PKHD1L1: variants seen among roughly 807,000 people sequenced by gnomAD.
The protein encoded by PKHD1L1 is fibrocystin-L.
In PKHD1L1, 434 loss-of-function variants were observed where a neutral mutation model predicts 462.9. The observed-to-expected ratio is 0.94, with a 90% CI of 0.87 to 1.02. The LOEUF (loss-of-function observed/expected upper bound fraction) is 1.02. Ranked by LOEUF, PKHD1L1 falls within the 50% of genes least tolerant of loss-of-function variation. PKHD1L1 has a pLI of 0.00. For missense variants in PKHD1L1, 5,202 were observed against 5,096.1 expected, an observed-to-expected ratio of 1.02 and a Z score of -0.63; for synonymous variants, 1,781 against 1,750.0, an observed-to-expected ratio of 1.02 and a Z score of -0.44.
intron 11 of PKHD1L1, among the ~76,000 whole-genome samples, chr8:109,397,951 C>G (rs1219078548): frequency 6.6e-6 from 1 of 152,106 alleles, no homozygotes; most frequent in Admixed American, 6.6e-5. Flanking sequence ...TATCTTTTAG[C>G]CTTTTTTCCT....
Position 109,504,371 on chromosome 8 carries a change from A to AC in PKHD1L1, c.10873_10874insC (p.Asn3625ThrfsTer7). ...TAAGAATGTTTGTTCAGGGGAAACT[A>AC]ATGTTATATTCATTACTAACCCTTT... On this transcript the variant is annotated frameshift_variant, in exon 68 of 78. Transcript: ENST00000378402. LOFTEE classifies it high-confidence loss of function. The AC allele has an allele frequency of 6.6e-7, 1 of 1,507,614 alleles. No homozygotes were observed. The highest frequency in any genetic ancestry group is 9.0e-7 in the Non-Finnish European group (1 of 1,111,854). The allele number at this position is 1,507,614 out of a possible 1,614,324, so 93.4% of individuals were successfully genotyped here. A position where few individuals can be genotyped will look rare whatever the true frequency, so the allele number is the denominator to read the frequency against.
At chr8:109,453,187 G>A (rs1440252103) in intron 43 of PKHD1L1, among the ~76,000 whole-genome samples, 1 of 152,158 alleles carries the variant, frequency 6.6e-6, no homozygotes, top group Non-Finnish European at 1.5e-5. Context: ...GTGGGGAGGT[G>A]TGAGCATGCC....
intron 67 of PKHD1L1, 61 bp from the exon 68 acceptor site, chr8:109,504,266 A>G (rs1360784332): frequency 9.0e-7 from 1 of 1,110,804 alleles, no homozygotes; most frequent in African/African-American, 1.6e-5. Context: ...AATGTGCATT[A>G]AATCTGATTT....
At chr8:109,402,150 A>G (rs532813429) in intron 14 of PKHD1L1, among the ~76,000 whole-genome samples, 1 of 152,194 alleles carries the variant, frequency 6.6e-6, no homozygotes, top group Non-Finnish European at 1.5e-5. Context: ...TCAAAAAGCC[A>G]TTCAGAATTC....
chr8:109,533,744 G>T lies in PKHD1L1; in HGVS notation c.*3654G>T, dbSNP rs984996745. Among the ~76,000 whole-genome samples, 2 of 151,850 alleles carry T rather than the reference G, an allele frequency of 1.3e-5. No homozygotes were observed. Among genetic ancestry groups the T allele is most frequent in the East Asian group, 3.9e-4 (2 of 5,188 alleles). ...TGCCTTTTATTGCTCCATAACTTGT[G>T]TTAGAAAATCTCCTTACTAAAAATC... On this transcript the variant is annotated 3_prime_UTR_variant, in exon 78 of 78. Coordinates refer to ENST00000378402, the MANE Select transcript of PKHD1L1 (RefSeq NM_177531.6).
At chr8:109,396,218 G>C (rs1002314022) in intron 11 of PKHD1L1, 81 bp downstream of exon 11, 2 of 1,014,988 alleles carry the variant, frequency 2.0e-6, no homozygotes, top group Non-Finnish European at 2.9e-6. Context: ...AATAATAATA[G>C]TCTTTTCTCA....
chr8:109,454,124 A>T, intron 43 of PKHD1L1, 43 bp from the exon 44 acceptor site: 1 of 1,303,886 alleles, frequency 7.7e-7, no homozygotes, highest in Non-Finnish European at 1.1e-6. Flanking sequence ...ACTTTTAACA[A>T]GATTTTTCCT....
At position 109,523,402 on chromosome 8, in the gene PKHD1L1, T is replaced by TATA. The variant is rs773225352; in HGVS notation, c.12484+16_12484+17insATA. 1 of 1,600,866 alleles carries TATA rather than the reference T, an allele frequency of 6.2e-7. No homozygotes were observed. The highest frequency in any genetic ancestry group is 1.7e-5 in the Admixed American group (1 of 59,420). On this transcript the variant is annotated intron_variant, in intron 76 of 77. Coordinates refer to ENST00000378402, the MANE Select transcript of PKHD1L1 (RefSeq NM_177531.6). ...CTTAGAACAGGTGGGTGCACTATTT[T>TATA]GGATCCTCACATATATAGCCATAAA...
intron 47 of PKHD1L1, among the ~76,000 whole-genome samples, chr8:109,460,955 A>G (rs1297934403): frequency 6.6e-6 from 1 of 152,184 alleles, no homozygotes; most frequent in Non-Finnish European, 1.5e-5. Flanking sequence ...GGTGTCTCTT[A>G]TACTCAAGGG....
chr8:109,425,016 G>A, intron 23 of PKHD1L1, 69 bp from the exon 24 acceptor site: 1 of 1,276,196 alleles, frequency 7.8e-7, no homozygotes, highest in African/African-American at 1.5e-5. Context: ...ATTGTACCAT[G>A]ATGAAATAGA....
chr8:109,456,310 CA>C lies in PKHD1L1; in HGVS notation c.6924del (p.Glu2310LysfsTer4). ...ACTCGCTTGGCTCATACTGCAAAGGCAGGGGAAAGAATTTTAATTTTACAAG... is the reference window on the plus strand; with the variant it reads ...ACTCGCTTGGCTCATACTGCAAAGGCGGGGAAAGAATTTTAATTTTACAAG... ...TWTRLAHTAK[A>X]GERILILQEA... On this transcript the variant is annotated frameshift_variant, in exon 46 of 78. Coordinates refer to ENST00000378402, the MANE Select transcript of PKHD1L1 (RefSeq NM_177531.6). LOFTEE classifies it high-confidence loss of function. 6.2e-7 allele frequency: 1 copy of C among 1,612,494 alleles called. No individual in the cohort carries two copies. Among genetic ancestry groups the C allele is most frequent in the Non-Finnish European group, 8.5e-7 (1 of 1,179,228 alleles).
intron 71 of PKHD1L1, among the ~76,000 whole-genome samples, chr8:109,511,967 C>G (rs1458041708): frequency 6.6e-6 from 1 of 152,026 alleles, no homozygotes; most frequent in Non-Finnish European, 1.5e-5. Context: ...TTTTTTCATG[C>G]GTTTTTTTGG....
chr8:109,522,410 CTCTGTT>C (rs1820597617), intron 74 of PKHD1L1, 73 bp downstream of exon 74: 3 of 1,373,970 alleles, frequency 2.2e-6, no homozygotes, highest in African/African-American at 3.0e-5. Flanking sequence ...TATTTTAACT[CTCTGTT>C]TCTATTTCAA....
chr8:109,442,093 T>G lies in PKHD1L1; in HGVS notation c.4291T>G (p.Phe1431Val). Residue 1431 changes from phenylalanine to valine, a missense_variant, in exon 35 of 78, where the codon TTT becomes GTT. This residue lies in a region of PKHD1L1 where 4,497 missense variants were observed against 4,336.8 expected (regional missense o/e 1.04). Transcript: ENST00000378402. ...TVAWHWQTHP[F>V]LRGIGYRIFS... ...GGCATGGCATTGGCAAACACATCCG[T>G]TTCTTAGAGGGATAGGATATAGGAT... 1 of 1,613,472 alleles carries G rather than the reference T, an allele frequency of 6.2e-7. No individual in the cohort carries two copies. Among genetic ancestry groups the G allele is most frequent in the Non-Finnish European group, 8.5e-7 (1 of 1,179,560 alleles).
intron 10 of PKHD1L1, 33 bp downstream of exon 10, chr8:109,394,518 G>C: frequency 7.4e-7 from 1 of 1,360,256 alleles, no homozygotes; most frequent in Non-Finnish European, 1.0e-6. Context: ...TGTTGCGGGG[G>C]TGGTGGGAAG....
Position 109,464,425 on chromosome 8 carries a change from T to C in PKHD1L1, c.7593T>C (p.Gly2531=). 6.2e-7 allele frequency: 1 copy of C among 1,613,600 alleles called. No homozygotes were observed. The highest frequency in any genetic ancestry group is 8.5e-7 in the Non-Finnish European group (1 of 1,179,696). ...GAGGAGCATTTTTTATAGAAGATGG[T>C]ATTGAACATGGCAATATCCTCCAGT... is the stretch of plus-strand genomic sequence containing the variant. The part of the protein sequence containing the change: ...IKGGAFFIED[G]IEHGNILQYN... Residue 2531 remains glycine (G), a synonymous_variant, in exon 49 of 78, where the codon GGT becomes GGC. Coordinates refer to ENST00000378402, the MANE Select transcript of PKHD1L1 (RefSeq NM_177531.6).
intron 21 of PKHD1L1, among the ~76,000 whole-genome samples, chr8:109,414,487 C>CTT (rs369895866): frequency 6.9e-6 from 1 of 145,538 alleles, no homozygotes; most frequent in Non-Finnish European, 1.5e-5. Context: ...GAAAATATTC[C>CTT]TTTTTTTTTT....
intron 9 of PKHD1L1, among the ~76,000 whole-genome samples, chr8:109,393,247 T>A (rs1002522531): frequency 6.6e-6 from 1 of 152,012 alleles, no homozygotes; most frequent in African/African-American, 2.4e-5. Context: ...AATGCCTGGG[T>A]TAGATTTACA....
intron 24 of PKHD1L1, 29 bp downstream of exon 24, chr8:109,425,261 G>C: frequency 1.3e-6 from 2 of 1,537,460 alleles, no homozygotes; most frequent in Non-Finnish European, 1.7e-6. Context: ...AAATATTGGT[G>C]TATACGCACA....
Sources: allele counts gnomAD v4.1 joint callset (sites outside exome capture counted in the v4.1 genomes callset), GRCh38; gene constraint gnomAD v4.1.1; regional missense constraint gnomAD v4.1.1; transcripts MANE v1.5; gene names NCBI Gene and HGNC (gene_info 2026-07-23, HGNC 2026-07-21).